The following DNAJC1 variants were observed in gnomAD, a reference collection of about 807,000 sequenced individuals.
DNAJC1 encodes the protein DnaJ heat shock protein family (Hsp40) member C1.
A neutral mutation model predicts 76.6 loss-of-function variants in DNAJC1; 58 were observed. That is an observed-to-expected ratio of 0.76 (90% CI 0.61 to 0.94). The LOEUF (loss-of-function observed/expected upper bound fraction) is 0.94, where lower values mean the gene tolerates loss of function less well. Ranked by LOEUF, DNAJC1 falls within the 40% of genes least tolerant of loss-of-function variation. The pLI is 0.00. For synonymous variants in DNAJC1, 258 were observed against 267.9 expected (o/e 0.96, Z 0.36); for missense variants, 689 against 677.3 (o/e 1.02, Z -0.19).
intron 1 of DNAJC1, chr10:21,933,023 A>G (rs963725789): frequency 7.2e-5 from 11 of 152,252 alleles, no homozygotes; most frequent in African/African-American, 1.2e-4. Context: ...AAATATTTTT[A>G]TAAAGCTGTT....
chr10:21,966,773 C>T (rs146316601), intron 1 of DNAJC1, among the ~76,000 whole-genome samples: 2,675 of 151,490 alleles, frequency 0.018, 39 homozygotes, highest in Middle Eastern at 0.048. Context: ...GCAACTTCCG[C>T]CTCCTGGATT....
At position 21,851,630 on chromosome 10, in the gene DNAJC1, T is replaced by A. The variant is rs576053795; in HGVS notation, c.978+30652A>T. 4.6e-5 allele frequency among the ~76,000 whole-genome samples: 7 copies of A among 152,242 alleles called. No individual in the cohort carries two copies. The South Asian group carries it at 1.2e-3, about 27-fold the overall frequency. On this transcript the variant is annotated intron_variant, in intron 8 of 11. Transcript: ENST00000376980. ...TACCATCATCACCTAGCAATTCCAA[T>A]CAGGTATATACCCAAAGCAATTGAA... is the stretch of plus-strand genomic sequence containing the variant.
chr10:21,841,521 A>G (rs1835573928), intron 8 of DNAJC1, among the ~76,000 whole-genome samples: 1 of 152,230 alleles, frequency 6.6e-6, no homozygotes, highest in Non-Finnish European at 1.5e-5. Context: ...ATCACTGGCC[A>G]TCAGAGAAAT....
At chr10:21,767,772 G>C (rs1834317855) in intron 9 of DNAJC1, among the ~76,000 whole-genome samples, 1 of 152,168 alleles carries the variant, frequency 6.6e-6, no homozygotes, top group African/African-American at 2.4e-5. Flanking sequence ...GAGGCAGCCA[G>C]ATCACTTGAG....
intron 6 of DNAJC1, among the ~76,000 whole-genome samples, chr10:21,913,792 A>T (rs1836907790): frequency 6.6e-6 from 1 of 152,320 alleles, no homozygotes; most frequent in South Asian, 2.1e-4. Context: ...CACGGGAGCT[A>T]TATTTTAAAT....
chr10:21,937,707 T>C (rs550128630), intron 1 of DNAJC1, among the ~76,000 whole-genome samples: 9 of 152,166 alleles, frequency 5.9e-5, no homozygotes, highest in Non-Finnish European at 1.2e-4. Flanking sequence ...ATATACCCTA[T>C]TTTAGGCTAT....
chr10:21,924,900 A>T (rs1837100994), intron 3 of DNAJC1, among the ~76,000 whole-genome samples: 1 of 152,230 alleles, frequency 6.6e-6, no homozygotes, highest in Non-Finnish European at 1.5e-5. Context: ...CAATTATAAC[A>T]CAATGGTAAG....
At chr10:21,899,546 C>T (rs927156627) in intron 7 of DNAJC1, among the ~76,000 whole-genome samples, 1 of 151,666 alleles carries the variant, frequency 6.6e-6, no homozygotes, top group African/African-American at 2.4e-5. Flanking sequence ...GAGAAAGGAT[C>T]CCCCAACAAT....
intron 8 of DNAJC1, among the ~76,000 whole-genome samples, chr10:21,867,575 T>A (rs1836022835): frequency 6.6e-6 from 1 of 152,152 alleles, no homozygotes; most frequent in East Asian, 1.9e-4. Flanking sequence ...GCAAAAGGAA[T>A]CTATTGAAAT....
At chr10:21,970,938 C>T (rs1026976476) in intron 1 of DNAJC1, among the ~76,000 whole-genome samples, 7 of 151,878 alleles carry the variant, frequency 4.6e-5, no homozygotes, top group Non-Finnish European at 7.4e-5. Flanking sequence ...CAGTTAAATA[C>T]TGCATATATT....
chr10:21,861,130 C>A (rs917829805), intron 8 of DNAJC1, among the ~76,000 whole-genome samples: 1 of 152,076 alleles, frequency 6.6e-6, no homozygotes, highest in Admixed American at 6.5e-5. Flanking sequence ...ATAAAATTAG[C>A]TCCTAACACA....
intron 1 of DNAJC1, among the ~76,000 whole-genome samples, chr10:21,999,348 C>G (rs970917102): frequency 6.6e-6 from 1 of 151,832 alleles, no homozygotes; most frequent in Non-Finnish European, 1.5e-5. Flanking sequence ...CTTTGAAACA[C>G]TTTTTTCACT....
intron 10 of DNAJC1, among the ~76,000 whole-genome samples, chr10:21,760,491 CAA>C (rs2131615719): frequency 6.6e-6 from 1 of 152,198 alleles, no homozygotes; most frequent in South Asian, 2.1e-4. Context: ...ATTAAATTGG[CAA>C]AGATTAGAAA....
At chr10:21,760,500 G>A (rs1834228196) in intron 10 of DNAJC1, among the ~76,000 whole-genome samples, 1 of 152,212 alleles carries the variant, frequency 6.6e-6, no homozygotes, top group South Asian at 2.1e-4. Context: ...GCAAAGATTA[G>A]AAAGTATGAC....
At chr10:21,906,136 T>C (rs1358557182) in intron 6 of DNAJC1, among the ~76,000 whole-genome samples, 3 of 152,094 alleles carry the variant, frequency 2.0e-5, no homozygotes, top group African/African-American at 7.2e-5. Context: ...AGATGTATTG[T>C]TAATATAGTA....
chr10:21,851,523 G>A (rs1246666139), intron 8 of DNAJC1, among the ~76,000 whole-genome samples: 1 of 152,226 alleles, frequency 6.6e-6, no homozygotes, highest in Non-Finnish European at 1.5e-5. Flanking sequence ...TGGAATCCTC[G>A]TATATTGCTA....
At chr10:21,783,912 T>G (rs1272133855) in intron 9 of DNAJC1, among the ~76,000 whole-genome samples, 4 of 152,212 alleles carry the variant, frequency 2.6e-5, no homozygotes, top group African/African-American at 9.7e-5. Flanking sequence ...CAAGGTGGAT[T>G]AAAGACTTAA....
rs376997861 is a variant in DNAJC1, at chr10:21,911,687, T to C, written c.730-7075A>G. On this transcript the variant is annotated intron_variant, in intron 6 of 11. Transcript: ENST00000376980. Reference sequence around the variant, plus strand: ...CTCAATGTAAGAATCCTACAACTTATGTCCTACAGATGTCCCCAACTTAAT... The same window carrying C: ...CTCAATGTAAGAATCCTACAACTTACGTCCTACAGATGTCCCCAACTTAAT... Among the ~76,000 whole-genome samples, 17 of 152,334 alleles carry C rather than the reference T, an allele frequency of 1.1e-4. No individual in the cohort carries two copies. In the East Asian group the frequency reaches 1.9e-3, roughly 17 times the overall value.
At chr10:21,828,479 C>T (rs969740471) in intron 8 of DNAJC1, among the ~76,000 whole-genome samples, 1 of 152,180 alleles carries the variant, frequency 6.6e-6, no homozygotes, top group Non-Finnish European at 1.5e-5. Context: ...AGAGTTTCAC[C>T]TATTGGCAGC....
Sources: allele counts gnomAD v4.1 joint callset (sites outside exome capture counted in the v4.1 genomes callset), GRCh38; gene constraint gnomAD v4.1.1; transcripts MANE v1.5; gene names NCBI Gene and HGNC (gene_info 2026-07-23, HGNC 2026-07-21).